Variants in PLEKHA7 observed in about 807,000 individuals in gnomAD.
PLEKHA7 encodes pleckstrin homology domain containing A7, also known as pleckstrin homology domain-containing family A member 7.
Under a neutral mutation model 170.0 loss-of-function variants are expected in PLEKHA7, and 104 were observed. That is an observed-to-expected ratio of 0.61 (90% CI 0.52 to 0.72). The LOEUF is 0.72. Ranked by LOEUF, PLEKHA7 falls within the 30% of genes least tolerant of loss-of-function variation. The pLI, the probability that PLEKHA7 is intolerant of heterozygous loss-of-function variation, is 0.00. For missense variants in PLEKHA7, 1,615 were observed against 1,671.7 expected, an observed-to-expected ratio of 0.97 and a Z score of 0.59; for synonymous variants, 648 against 660.8, an observed-to-expected ratio of 0.98 and a Z score of 0.30.
intron 8 of PLEKHA7, among the ~76,000 whole-genome samples, chr11:16,842,739 G>A (rs1046146608): frequency 2.0e-5 from 3 of 152,044 alleles, no homozygotes; most frequent in African/African-American, 7.2e-5. Context: ...AATTTGCAAG[G>A]AACAATCTCA....
intron 17 of PLEKHA7, among the ~76,000 whole-genome samples, chr11:16,796,587 C>T (rs558271853): frequency 3.3e-5 from 5 of 152,228 alleles, no homozygotes; most frequent in South Asian, 2.1e-4. Context: ...AAATTGATTG[C>T]GGTGACGGCT....
At chr11:16,826,649 A>C (rs1427333401) in intron 9 of PLEKHA7, 59 bp from the exon 10 acceptor site, 12 of 1,448,490 alleles carry the variant, frequency 8.3e-6, no homozygotes, top group Non-Finnish European at 1.1e-5. Flanking sequence ...GATGAAATGC[A>C]CTGTACACTC....
chr11:16,870,449 C>T (rs1376152191), intron 4 of PLEKHA7, among the ~76,000 whole-genome samples: 4 of 151,692 alleles, frequency 2.6e-5, no homozygotes, highest in Non-Finnish European at 4.4e-5. Context: ...GGCAACATGG[C>T]GAAACCCTAT....
chr11:16,874,897 T>C (rs1855157577), intron 3 of PLEKHA7, among the ~76,000 whole-genome samples: 1 of 152,182 alleles, frequency 6.6e-6, no homozygotes, highest in Non-Finnish European at 1.5e-5. Context: ...CCACTTCATA[T>C]ACACTGCACA....
intron 3 of PLEKHA7, among the ~76,000 whole-genome samples, chr11:16,877,216 T>C (rs1048273409): frequency 6.6e-6 from 1 of 150,606 alleles, no homozygotes. Flanking sequence ...TGCAGCCACA[T>C]TCAGCACTGC....
At position 16,817,374 on chromosome 11, in the gene PLEKHA7, GC is replaced by G; in HGVS notation, c.1344-53del. ...AGGCAACCAAGCGAGGGTTCTGCAG[GC>G]TTTGGGGAACATATCTAAGTAAACC... is the stretch of plus-strand genomic sequence containing the variant. On this transcript the variant is annotated intron_variant, in intron 10 of 26. Transcript: ENST00000531066. The surrounding 1 kb of genome is among the most constrained non-coding windows in gnomAD (Gnocchi z 4.4). The G allele has an allele frequency of 6.6e-7, 1 of 1,518,020 alleles. No individual in the cohort carries two copies. Among genetic ancestry groups the G allele is most frequent in the Non-Finnish European group, 8.9e-7 (1 of 1,127,482 alleles). The allele number at this position is 1,518,020 out of a possible 1,614,324, so 94.0% of individuals were successfully genotyped here.
chr11:16,841,662 C>A lies in PLEKHA7; in HGVS notation c.757G>T (p.Glu253Ter), dbSNP rs201981994. The change falls in exon 9 of 27, where the codon GAG (glutamate) becomes TAG (stop). Residue 253 changes from glutamate to a stop codon, truncating the protein, a stop_gained. Transcript: ENST00000531066. LOFTEE classifies it high-confidence loss of function. ...YNSSTAGSQAEQSGMRTYYFS... is the reference protein window; with the variant it reads ...YNSSTAGSQA The stretch of plus-strand genomic sequence containing the variant: ...TAGTAGGTCCTCATGCCTGACTGCT[C>A]GGCCTGAGAGCCCGCTGTGGAGCTG... 1 of 1,614,170 alleles carries A rather than the reference C, an allele frequency of 6.2e-7. No homozygotes were observed. Among genetic ancestry groups the A allele is most frequent in the African/African-American group, 1.3e-5 (1 of 75,032 alleles).
At chr11:16,935,443 G>A (rs780841263) in intron 3 of PLEKHA7, among the ~76,000 whole-genome samples, 7 of 152,158 alleles carry the variant, frequency 4.6e-5, no homozygotes, top group South Asian at 2.1e-4. Context: ...TAAATGTGTC[G>A]GTCCTTTTCT....
chr11:16,940,288 T>G (rs1478306675), intron 3 of PLEKHA7, among the ~76,000 whole-genome samples: 2 of 146,476 alleles, frequency 1.4e-5, no homozygotes, highest in African/African-American at 2.5e-5. Context: ...GCTGTTTTTT[T>G]TTTTTTTTTT....
intron 3 of PLEKHA7, among the ~76,000 whole-genome samples, chr11:16,907,558 A>G (rs1590574047): frequency 9.1e-6 from 1 of 109,402 alleles, no homozygotes; most frequent in Admixed American, 9.0e-5. Context: ...TCCGGGAGGG[A>G]GGCGGGGGGG....
chr11:16,791,668 C>A lies in PLEKHA7; in HGVS notation c.2746-469G>T. The A allele has an allele frequency of 2.2e-6, 1 of 459,156 alleles. No homozygotes were observed. Among genetic ancestry groups the A allele is most frequent in the South Asian group, 1.5e-5 (1 of 64,594 alleles). 28.4% of individuals were successfully genotyped at this position (459,156 alleles called of 1,614,324 possible). ...CCTACACGAGCTCTGGCGCCTTCAGCAAGGTGGGGACCTGAACAAGGACAG... is the reference window on the plus strand; with the variant it reads ...CCTACACGAGCTCTGGCGCCTTCAGAAAGGTGGGGACCTGAACAAGGACAG... On this transcript the variant is annotated intron_variant, in intron 19 of 26. Transcript: ENST00000531066. This position sits in a 1 kb window ranked among gnomAD's most constrained non-coding sequence, Gnocchi z 4.5.
intron 23 of PLEKHA7, chr11:16,786,979 T>G (rs374368320): frequency 9.1e-6 from 9 of 985,292 alleles, no homozygotes; most frequent in East Asian, 2.3e-4. Flanking sequence ...CTATTTGAGA[T>G]AGATGTTTTC....
chr11:16,996,069 TA>T (rs1400244355), intron 3 of PLEKHA7, among the ~76,000 whole-genome samples: 3 of 152,158 alleles, frequency 2.0e-5, no homozygotes, highest in African/African-American at 7.2e-5. Flanking sequence ...AAAGACAAAA[TA>T]TCTGCTGTTC....
chr11:16,963,274 T>A (rs1862177437), intron 3 of PLEKHA7, among the ~76,000 whole-genome samples: 1 of 152,218 alleles, frequency 6.6e-6, no homozygotes, highest in African/African-American at 2.4e-5. Flanking sequence ...TAGAGGTATG[T>A]GTTCCAATTT....
At chr11:16,909,185 ATAAT>A (rs778623265) in intron 3 of PLEKHA7, among the ~76,000 whole-genome samples, 5 of 152,192 alleles carry the variant, frequency 3.3e-5, no homozygotes, top group Non-Finnish European at 5.9e-5. Context: ...AATAACACTA[ATAAT>A]TAATATTAGT....
intron 3 of PLEKHA7, among the ~76,000 whole-genome samples, chr11:16,967,842 C>T (rs965902657): frequency 6.6e-6 from 1 of 152,060 alleles, no homozygotes; most frequent in Admixed American, 6.6e-5. Flanking sequence ...CTTGCTGCCT[C>T]ACCCCACCCC....
chr11:16,889,423 ATAT>A (rs1565076497), intron 3 of PLEKHA7, among the ~76,000 whole-genome samples: 1,383 of 104,166 alleles, frequency 0.013, 12 homozygotes, highest in Middle Eastern at 0.031. Context: ...AAAAAAAAAT[ATAT>A]ATATATATAT....
intron 3 of PLEKHA7, among the ~76,000 whole-genome samples, chr11:16,998,981 C>T (rs1565194199): frequency 6.6e-6 from 1 of 152,128 alleles, no homozygotes; most frequent in Non-Finnish European, 1.5e-5. Context: ...CCAACCAGCC[C>T]TCTATCCTCG....
rs1165005308 is a variant in PLEKHA7 at position 16,965,916 on chromosome 11, C to T, written c.221+48073G>A. On this transcript the variant is annotated intron_variant, in intron 3 of 26. Transcript: ENST00000531066. ...AGGTAGAAAGGGCCAGGGGTGGTGGCTCACACCTGTAATCCCAGCACTTTG... is the reference window on the plus strand; with the variant it reads ...AGGTAGAAAGGGCCAGGGGTGGTGGTTCACACCTGTAATCCCAGCACTTTG... 2.0e-5 allele frequency among the ~76,000 whole-genome samples: 3 copies of T among 152,190 alleles called. No individual in the cohort carries two copies. In the East Asian group the frequency reaches 5.8e-4, roughly 29 times the overall value.
Sources: gnomAD v4.1 joint callset for allele counts (sites outside exome capture counted in the v4.1 genomes callset) on GRCh38, gnomAD v4.1.1 for gene constraint, Gnocchi (gnomAD v3.1) non-coding constraint, MANE v1.5 for transcripts, NCBI Gene and HGNC (gene_info 2026-07-23, HGNC 2026-07-21) for gene names.